Variants in NEK10 observed in about 807,000 individuals in gnomAD.
NEK10 encodes the protein NIMA related kinase 10.
NEK10 carries 122 observed loss-of-function variants against 159.8 expected under a neutral mutation model. The observed-to-expected ratio is 0.76, with a 90% confidence interval of 0.66 to 0.89. The LOEUF is 0.89. Ranked by LOEUF, NEK10 falls within the 40% of genes least tolerant of loss-of-function variation. The pLI, the probability that NEK10 is intolerant of heterozygous loss-of-function variation, is 0.00. For missense variants in NEK10, 1,342 were observed against 1,323.1 expected, an observed-to-expected ratio of 1.01 and a Z score of -0.22; for synonymous variants, 466 against 457.1, an observed-to-expected ratio of 1.02 and a Z score of -0.25.
intron 5 of NEK10, among the ~76,000 whole-genome samples, chr3:27,325,271 T>C (rs567846091): frequency 1.3e-5 from 2 of 152,296 alleles, no homozygotes; most frequent in Admixed American, 6.5e-5. Context: ...TATTTCATAC[T>C]CAGCCAAGAA....
intron 11 of NEK10, 69 bp downstream of exon 11, chr3:27,307,790 A>C (rs2044356597): frequency 1.3e-6 from 1 of 784,914 alleles, no homozygotes; most frequent in East Asian, 2.5e-5. Flanking sequence ...TGACGTAATA[A>C]AAATAATAAC....
chr3:27,359,007 GC>G (rs762558488), intron 1 of NEK10, among the ~76,000 whole-genome samples: 13 of 152,146 alleles, frequency 8.5e-5, no homozygotes, highest in Non-Finnish European at 1.8e-4. Flanking sequence ...TTCAAGACCA[GC>G]CTGACCAACA....
intron 6 of NEK10, among the ~76,000 whole-genome samples, chr3:27,316,286 A>G (rs2045166952): frequency 6.6e-6 from 1 of 152,136 alleles, no homozygotes. Flanking sequence ...GTAAGAATGG[A>G]GAGAAAGGGG....
intron 23 of NEK10, among the ~76,000 whole-genome samples, chr3:27,253,533 G>C (rs898794541): frequency 6.6e-6 from 1 of 152,072 alleles, no homozygotes; most frequent in African/African-American, 2.4e-5. Flanking sequence ...TAGTACAATC[G>C]GTCCAGCAAT....
intron 22 of NEK10, among the ~76,000 whole-genome samples, chr3:27,274,085 C>T (rs928164828): frequency 1.3e-5 from 2 of 152,010 alleles, no homozygotes; most frequent in African/African-American, 4.8e-5. Context: ...AGTAGATATT[C>T]CTAAACAAAG....
Position 27,119,831 on chromosome 3 carries a change from A to C in NEK10, c.3119T>G (p.Phe1040Cys), listed in dbSNP as rs371561617. ...TAATAAATGGTAATCTGCTGTGAAA[A>C]AGTTGGGCTCAATCGGTTCTGGAGA... The part of the protein sequence containing the change: ...QGSPEPIEPN[F>C]FTADYHLLHR... Residue 1040 changes from phenylalanine to cysteine, a missense_variant, in exon 33 of 36, where the codon TTT becomes TGT. By Grantham distance (205) the Phe-to-Cys change is radical. Coordinates refer to ENST00000691995, the MANE Select transcript of NEK10 (RefSeq NM_001394966.1). 6.2e-7 allele frequency: 1 copy of C among 1,614,014 alleles called. No homozygotes were observed. The highest frequency in any genetic ancestry group is 1.7e-4 in the Middle Eastern group (1 of 6,060).
At chr3:27,275,428 C>A (rs4973868) in intron 22 of NEK10, among the ~76,000 whole-genome samples, 40,401 of 152,094 alleles carry the variant, frequency 0.27, 5,506 homozygotes, top group Middle Eastern at 0.39. Flanking sequence ...TGAGGCCAAT[C>A]TGTTGACTGA....
In NEK10 at chr3:27,214,524, A is replaced by C. The variant is rs187659251; in HGVS notation, c.2091-11967T>G. ...TTACTTATTCAAGTCACTCAAATGC[A>C]ATGCAGGCAGCTTTTACTTTCTTTC... On this transcript the variant is annotated intron_variant, in intron 23 of 35. Transcript: ENST00000691995. Among the ~76,000 whole-genome samples the C allele has an allele frequency of 1.4e-3, 218 of 151,478 alleles. 1 individual carries two copies. Among genetic ancestry groups the C allele is most frequent in the African/African-American group, 5.2e-3 (213 of 41,304 alleles).
intron 6 of NEK10, among the ~76,000 whole-genome samples, chr3:27,315,443 C>A (rs1315711705): frequency 2.0e-5 from 3 of 152,118 alleles, no homozygotes; most frequent in Non-Finnish European, 2.9e-5. Context: ...ACATTTAGAA[C>A]TCAATTAAAA....
intron 26 of NEK10, 21 bp downstream of exon 26, chr3:27,192,008 G>C (rs530589516): frequency 6.8e-6 from 11 of 1,607,568 alleles, no homozygotes; most frequent in Non-Finnish European, 8.5e-6. Context: ...ATCATGAACC[G>C]ATTGAAATAT....
At chr3:27,236,240 C>G (rs747432911) in intron 23 of NEK10, among the ~76,000 whole-genome samples, 2 of 152,126 alleles carry the variant, frequency 1.3e-5, no homozygotes, top group Middle Eastern at 6.8e-3. Flanking sequence ...ATCTATATAA[C>G]TAACAATGTA....
chr3:27,330,074 C>T (rs768860086), intron 5 of NEK10, among the ~76,000 whole-genome samples: 41 of 151,946 alleles, frequency 2.7e-4, no homozygotes, highest in Non-Finnish European at 5.0e-4. Flanking sequence ...TATTGTTTTT[C>T]CTGAATATTT....
chr3:27,280,878 GTGTGTGTGTATA>G lies in NEK10; in HGVS notation c.2014+3712_2014+3723del, dbSNP rs141116408. Among the ~76,000 whole-genome samples, 1,315 of 150,952 alleles carry G rather than the reference GTGTGTGTGTATA, an allele frequency of 8.7e-3. 23 individuals are homozygous for G. The highest frequency in any genetic ancestry group is 0.03 in the African/African-American group (1,215 of 41,042). Reference sequence around the variant, plus strand: ...CTGTTTAGTTATATATGTTTTATATGTGTGTGTGTATATGTGTGTGTATATGTACATATGGTG... The same window carrying G: ...CTGTTTAGTTATATATGTTTTATATGTGTGTGTGTATATGTACATATGGTG... On this transcript the variant is annotated intron_variant, in intron 22 of 35. Transcript: ENST00000691995.
chr3:27,352,862 C>A lies in NEK10; in HGVS notation c.21G>T (p.Lys7Asn). The change falls in exon 2 of 36, where the codon AAG becomes AAT. Residue 7 changes from lysine to asparagine, a missense_variant. Lys to Asn is a moderately conservative substitution (Grantham distance 94). Coordinates refer to ENST00000691995, the MANE Select transcript of NEK10 (RefSeq NM_001394966.1). The stretch of plus-strand genomic sequence containing the variant: ...CAGTTGATTTTTCTGTGGTCTTCAC[C>A]TTTTTATCTTGATCAGGCATTGTAA... MPDQDK[K>N]VKTTEKSTDK... The A allele has an allele frequency of 6.2e-7, 1 of 1,609,008 alleles. No individual in the cohort carries two copies. Among genetic ancestry groups the A allele is most frequent in the Admixed American group, 1.7e-5 (1 of 59,866 alleles).
chr3:27,288,074 G>A (rs1020326262), intron 19 of NEK10, among the ~76,000 whole-genome samples: 2 of 152,126 alleles, frequency 1.3e-5, no homozygotes, highest in East Asian at 1.9e-4. Flanking sequence ...GTCACAACCC[G>A]ACACACAGAC....
chr3:27,218,778 C>A (rs1261952288), intron 23 of NEK10, among the ~76,000 whole-genome samples: 1 of 141,000 alleles, frequency 7.1e-6, no homozygotes, highest in Non-Finnish European at 1.5e-5. Context: ...TAAATGCAGA[C>A]AAGAGCATTT....
intron 30 of NEK10, among the ~76,000 whole-genome samples, chr3:27,156,525 C>G (rs1467517891): frequency 6.6e-6 from 1 of 151,922 alleles, no homozygotes; most frequent in Non-Finnish European, 1.5e-5. Flanking sequence ...AGAAGATACT[C>G]AAATGACCAA....
intron 31 of NEK10, among the ~76,000 whole-genome samples, chr3:27,132,263 C>A (rs1942712045): frequency 6.6e-6 from 1 of 152,114 alleles, no homozygotes; most frequent in African/African-American, 2.4e-5. Flanking sequence ...ACAAATTATT[C>A]ATTAATTGCA....
chr3:27,339,268 T>C (rs961918211), intron 5 of NEK10, among the ~76,000 whole-genome samples: 1 of 151,620 alleles, frequency 6.6e-6, no homozygotes, highest in African/African-American at 2.4e-5. Context: ...TCCATGCCTA[T>C]AAATGGGAGA....
Sources: gnomAD v4.1 joint callset for allele counts (sites outside exome capture counted in the v4.1 genomes callset) on GRCh38, gnomAD v4.1.1 for gene constraint, MANE v1.5 for transcripts, NCBI Gene and HGNC (gene_info 2026-07-23, HGNC 2026-07-21) for gene names.